Variants in PTPRT observed in about 807,000 individuals in gnomAD.
The protein encoded by PTPRT is protein tyrosine phosphatase receptor type T.
PTPRT carries 56 observed loss-of-function variants against 176.8 expected under a neutral mutation model. The ratio of observed to expected loss-of-function variants is 0.32; its 90% confidence interval spans 0.26 to 0.40. The LOEUF (loss-of-function observed/expected upper bound fraction) is 0.40, where lower values mean the gene tolerates loss of function less well. PTPRT is among the 10% of genes least tolerant of loss of function. The pLI is 1.00. For synonymous variants in PTPRT, 783 were observed against 739.0 expected (o/e 1.06, Z -0.96); for missense variants, 1,540 against 1,908.2 (o/e 0.81, Z 3.60).
At chr20:42,703,596 G>T (rs1475154034) in intron 6 of PTPRT, among the ~76,000 whole-genome samples, 1 of 152,078 alleles carries the variant, frequency 6.6e-6, no homozygotes, top group African/African-American at 2.4e-5. Context: ...TGCAACCCAG[G>T]TTTTATTTAT....
chr20:42,816,262 A>G (rs1239871712), intron 2 of PTPRT, among the ~76,000 whole-genome samples: 1 of 152,230 alleles, frequency 6.6e-6, no homozygotes, highest in East Asian at 1.9e-4. Context: ...AAAAGAGAGA[A>G]TCCCTTCAAC....
chr20:42,941,096 A>G (rs931918975), intron 1 of PTPRT, among the ~76,000 whole-genome samples: 2 of 151,236 alleles, frequency 1.3e-5, no homozygotes, highest in Non-Finnish European at 2.9e-5. Context: ...AAAAATAATA[A>G]TAATAATAAT....
Position 42,472,297 on chromosome 20 carries a change from G to A in PTPRT, c.1419C>T (p.Ser473=), listed in dbSNP as rs779107078. The A allele has an allele frequency of 6.4e-5, 103 of 1,614,152 alleles. 1 individual carries two copies. The Middle Eastern group carries it at 6.4e-3, about 101-fold the overall frequency. The stretch of plus-strand genomic sequence containing the variant: ...CCTCAGTCTGCACCACCAGCTCCTC[G>A]CTCTCCATTCGGCCCTCGGGGTTAG... ...LLSNPEGRME[S]EELVVQTEED... Residue 473 remains serine, a synonymous_variant, in exon 8 of 31, where the codon AGC becomes AGT. Transcript: ENST00000373187.
At chr20:43,155,961 A>C (rs949243405) in intron 1 of PTPRT, among the ~76,000 whole-genome samples, 1 of 152,196 alleles carries the variant, frequency 6.6e-6, no homozygotes, top group African/African-American at 2.4e-5. Context: ...CTCTTTTTAA[A>C]AATAATCCCT....
At chr20:42,870,733 T>C (rs1455635626) in intron 2 of PTPRT, among the ~76,000 whole-genome samples, 1 of 152,220 alleles carries the variant, frequency 6.6e-6, no homozygotes, top group Non-Finnish European at 1.5e-5. Flanking sequence ...CTAGATCATA[T>C]GGTGGTTCTA....
intron 15 of PTPRT, among the ~76,000 whole-genome samples, chr20:42,201,313 C>CA (rs1488111644): frequency 1.3e-5 from 2 of 152,006 alleles, no homozygotes; most frequent in Admixed American, 6.6e-5. Context: ...AACAAACAAA[C>CA]AAAAAACAGA....
intron 8 of PTPRT, among the ~76,000 whole-genome samples, chr20:42,456,966 C>A (rs1318438852): frequency 6.6e-6 from 1 of 152,080 alleles, no homozygotes; most frequent in Non-Finnish European, 1.5e-5. Context: ...ATTACTGATT[C>A]TATTTCTTTA....
intron 1 of PTPRT, among the ~76,000 whole-genome samples, chr20:43,090,474 T>G (rs1200732456): frequency 6.6e-6 from 1 of 152,108 alleles, no homozygotes; most frequent in Non-Finnish European, 1.5e-5. Context: ...TTCACCGTTT[T>G]AGCCAGGATG....
At chr20:43,139,439 G>A (rs1028582686) in intron 1 of PTPRT, among the ~76,000 whole-genome samples, 3 of 152,174 alleles carry the variant, frequency 2.0e-5, no homozygotes, top group Non-Finnish European at 2.9e-5. Flanking sequence ...GGGAGACCAC[G>A]TTCCAGGACA....
At chr20:42,685,344 G>A (rs1028871659) in intron 6 of PTPRT, 10 of 152,102 alleles carry the variant, frequency 6.6e-5, no homozygotes, top group African/African-American at 2.4e-4. Flanking sequence ...TCTAGCATAG[G>A]GGAATTGTGA....
intron 2 of PTPRT, among the ~76,000 whole-genome samples, chr20:42,814,852 A>G (rs957671): frequency 0.11 from 16,486 of 152,196 alleles, 1,170 homozygotes; most frequent in East Asian, 0.36. Context: ...ATTAGTTTAA[A>G]CACGCAAGCT....
Position 42,076,517 on chromosome 20 carries a change from G to A in PTPRT, c.*4362C>T, listed in dbSNP as rs1982788481. 1.5e-5 allele frequency: 3 copies of A among 205,064 alleles called. No individual in the cohort carries two copies. In the East Asian group the frequency reaches 2.2e-4, roughly 15 times the overall value. The allele number at this position is 205,064 out of a possible 1,614,324, so 12.7% of individuals were successfully genotyped here. On this transcript the variant is annotated 3_prime_UTR_variant, in exon 31 of 31. Transcript: ENST00000373187. ...CACCCAACTGGAAGATGCCTTAGTT[G>A]AGGTCCCCTCATGAACAGTGAGGTC...
intron 7 of PTPRT, among the ~76,000 whole-genome samples, chr20:42,551,718 A>G (rs2072774227): frequency 6.6e-6 from 1 of 151,698 alleles, no homozygotes; most frequent in African/African-American, 2.4e-5. Context: ...CTGTGGCCTT[A>G]CTTGTTGAAT....
rs549656555 is a variant in PTPRT, at chr20:42,325,448, G to A, written c.1866-9452C>T. ...AAGGAATCATGAAAATCCAGTTGAA[G>A]CATCCAAATAAGTTTTCCCTCAATC... On this transcript the variant is annotated intron_variant, in intron 11 of 30. Transcript: ENST00000373187. Among the ~76,000 whole-genome samples, 60 of 152,254 alleles carry A rather than the reference G, an allele frequency of 3.9e-4. 1 individual carries two copies. The South Asian group carries it at 0.012, about 30-fold the overall frequency.
At chr20:42,036,599 G>A in the PTPRT span, among the ~76,000 whole-genome samples, 1 of 152,156 alleles carries the variant, frequency 6.6e-6, no homozygotes, top group African/African-American at 2.4e-5. Flanking sequence ...TAAAAGTCAG[G>A]AACTGCAGGA....
intron 1 of PTPRT, among the ~76,000 whole-genome samples, chr20:42,982,775 T>C (rs1449075414): frequency 6.6e-6 from 1 of 152,208 alleles, no homozygotes; most frequent in African/African-American, 2.4e-5. Flanking sequence ...CCCGCCCTCC[T>C]GAGGTTCAGC....
intron 1 of PTPRT, among the ~76,000 whole-genome samples, chr20:42,981,828 G>A (rs1165574976): frequency 1.3e-5 from 2 of 152,224 alleles, no homozygotes; most frequent in African/African-American, 4.8e-5. Flanking sequence ...CTGCATTTAT[G>A]TTCATTTCCT....
chr20:42,879,073 C>T (rs193116303), intron 2 of PTPRT, among the ~76,000 whole-genome samples: 2 of 152,130 alleles, frequency 1.3e-5, no homozygotes, highest in Non-Finnish European at 2.9e-5. Flanking sequence ...GCAAAGCTTC[C>T]AATACTTACA....
chr20:42,546,261 C>CA (rs2072671829), intron 7 of PTPRT, among the ~76,000 whole-genome samples: 1 of 151,542 alleles, frequency 6.6e-6, no homozygotes, highest in East Asian at 1.9e-4. Flanking sequence ...GATTTATACA[C>CA]AAAAAAGGGG....
Sources: gnomAD v4.1 joint callset for allele counts (sites outside exome capture counted in the v4.1 genomes callset) on GRCh38, gnomAD v4.1.1 for gene constraint, MANE v1.5 for transcripts, NCBI Gene and HGNC (gene_info 2026-07-23, HGNC 2026-07-21) for gene names.